The following ERC2 variants were observed in gnomAD, a reference collection of about 807,000 sequenced individuals.
The protein encoded by ERC2 is ELKS/RAB6-interacting/CAST family member 2.
Under a neutral mutation model 114.8 loss-of-function variants are expected in ERC2, and 42 were observed. The ratio of observed to expected loss-of-function variants is 0.37; its 90% CI spans 0.29 to 0.47. The LOEUF is 0.47. Ranked by LOEUF, ERC2 falls within the 20% of genes least tolerant of loss-of-function variation. ERC2 has a pLI of 0.99. For missense variants in ERC2, 939 were observed against 1,150.7 expected, an observed-to-expected ratio of 0.82 and a Z score of 2.66; for synonymous variants, 454 against 425.5, an observed-to-expected ratio of 1.07 and a Z score of -0.82.
chr3:56,384,940 T>TCTCC (rs1290583110), intron 2 of ERC2, among the ~76,000 whole-genome samples: 1 of 152,122 alleles, frequency 6.6e-6, no homozygotes, highest in Non-Finnish European at 1.5e-5. Flanking sequence ...GAAATGATGG[T>TCTCC]CCTTTCCCTA....
chr3:55,589,728 C>T (rs193027103), intron 17 of ERC2, among the ~76,000 whole-genome samples: 3 of 151,992 alleles, frequency 2.0e-5, no homozygotes, highest in Non-Finnish European at 4.4e-5. Flanking sequence ...GGCAAAAGTC[C>T]CAGCAGGAGA....
chr3:55,932,293 G>T (rs1054003246), intron 13 of ERC2, among the ~76,000 whole-genome samples: 1 of 152,036 alleles, frequency 6.6e-6, no homozygotes, highest in Non-Finnish European at 1.5e-5. Flanking sequence ...GAATTTCTAT[G>T]TACCGAGAAG....
At chr3:55,899,084 T>A (rs1408509016) in intron 13 of ERC2, among the ~76,000 whole-genome samples, 2 of 152,242 alleles carry the variant, frequency 1.3e-5, no homozygotes, top group Non-Finnish European at 2.9e-5. Flanking sequence ...GTCACAGGTC[T>A]ATTGGCTACT....
chr3:55,560,354 G>A (rs529313710), intron 17 of ERC2, among the ~76,000 whole-genome samples: 1 of 152,284 alleles, frequency 6.6e-6, no homozygotes, highest in South Asian at 2.1e-4. Flanking sequence ...TTGGAGCAAG[G>A]TTTCTCAACT....
intron 3 of ERC2, among the ~76,000 whole-genome samples, chr3:56,252,161 G>T (rs2052205364): frequency 6.6e-6 from 1 of 152,062 alleles, no homozygotes; most frequent in Non-Finnish European, 1.5e-5. Context: ...GTGCCTATTA[G>T]GCTTGGACAT....
intron 14 of ERC2, among the ~76,000 whole-genome samples, chr3:55,874,846 G>A (rs754218104): frequency 6.6e-6 from 1 of 152,156 alleles, no homozygotes. Context: ...CAATCCCAGC[G>A]ACACTGGGAG....
chr3:56,270,009 A>G (rs2150290986), intron 3 of ERC2, among the ~76,000 whole-genome samples: 1 of 152,260 alleles, frequency 6.6e-6, no homozygotes, highest in Middle Eastern at 3.4e-3. Flanking sequence ...CAGCTATAAC[A>G]ACAAACAGCA....
At chr3:56,328,576 A>G (rs917366772) in intron 2 of ERC2, among the ~76,000 whole-genome samples, 14 of 152,228 alleles carry the variant, frequency 9.2e-5, no homozygotes, top group African/African-American at 3.1e-4. Context: ...AAAGAAATAG[A>G]AGAGAGAAGT....
chr3:55,753,807 A>G (rs1179902355), intron 14 of ERC2, among the ~76,000 whole-genome samples: 1 of 152,168 alleles, frequency 6.6e-6, no homozygotes, highest in Non-Finnish European at 1.5e-5. Context: ...TTAAACAATG[A>G]TCAGTTTTTC....
chr3:55,596,526 C>G (rs2058145517), intron 17 of ERC2, among the ~76,000 whole-genome samples: 1 of 152,154 alleles, frequency 6.6e-6, no homozygotes, highest in Non-Finnish European at 1.5e-5. Context: ...TTACAGCGAG[C>G]TGTGATTATG....
chr3:55,689,749 C>T (rs1161708332), intron 16 of ERC2, among the ~76,000 whole-genome samples: 6 of 150,392 alleles, frequency 4.0e-5, no homozygotes, highest in African/African-American at 9.8e-5. Flanking sequence ...GCCGAGATCG[C>T]GCCATTGCAC....
At chr3:56,118,791 C>T (rs1333433758) in intron 6 of ERC2, among the ~76,000 whole-genome samples, 1 of 152,038 alleles carries the variant, frequency 6.6e-6, no homozygotes, top group Non-Finnish European at 1.5e-5. Context: ...CACCCGCCAC[C>T]ACGCCCGGCT....
intron 2 of ERC2, among the ~76,000 whole-genome samples, chr3:56,302,100 T>C (rs1018653550): frequency 5.3e-5 from 8 of 152,180 alleles, no homozygotes; most frequent in Non-Finnish European, 1.0e-4. Context: ...ACTGCCTTAT[T>C]AACCTCATTT....
At chr3:55,760,372 AT>A (rs200304919) in intron 14 of ERC2, among the ~76,000 whole-genome samples, 3 of 151,742 alleles carry the variant, frequency 2.0e-5, no homozygotes, top group East Asian at 1.9e-4. Flanking sequence ...CCTCCGTGAT[AT>A]TTTTTTTTGT....
At chr3:56,081,349 C>G (rs1484768152) in intron 6 of ERC2, among the ~76,000 whole-genome samples, 1 of 152,098 alleles carries the variant, frequency 6.6e-6, no homozygotes, top group Non-Finnish European at 1.5e-5. Flanking sequence ...TAAAATACTG[C>G]TCAAGCTTTG....
At chr3:55,604,217 G>A (rs1369512138) in intron 17 of ERC2, among the ~76,000 whole-genome samples, 2 of 152,118 alleles carry the variant, frequency 1.3e-5, no homozygotes, top group Non-Finnish European at 2.9e-5. Flanking sequence ...TGTGAAGTCA[G>A]TGTGTGAGGG....
intron 14 of ERC2, among the ~76,000 whole-genome samples, chr3:55,788,018 T>G (rs2149068951): frequency 6.6e-6 from 1 of 152,204 alleles, no homozygotes; most frequent in East Asian, 1.9e-4. Flanking sequence ...TCTTAAGTAA[T>G]CCACATAAAA....
At chr3:55,543,526 G>T (rs1447959388) in intron 17 of ERC2, among the ~76,000 whole-genome samples, 6 of 152,184 alleles carry the variant, frequency 3.9e-5, no homozygotes, top group Admixed American at 3.3e-4. Flanking sequence ...TTAGCGGTTG[G>T]CCTCCCTCCA....
At chr3:56,085,260 T>C (rs2077443993) in intron 6 of ERC2, among the ~76,000 whole-genome samples, 2 of 151,906 alleles carry the variant, frequency 1.3e-5, no homozygotes, top group African/African-American at 4.8e-5. Context: ...GACAGGGAAG[T>C]TGGGGGAGTA....
Sources: gnomAD v4.1 joint callset for allele counts (sites outside exome capture counted in the v4.1 genomes callset) on GRCh38, gnomAD v4.1.1 for gene constraint, MANE v1.5 for transcripts, NCBI Gene and HGNC (gene_info 2026-07-23, HGNC 2026-07-21) for gene names.